The following IL1RAPL1 variants were observed in gnomAD, a reference collection of about 807,000 sequenced individuals.
IL1RAPL1 encodes the protein interleukin 1 receptor accessory protein like 1.
A neutral mutation model predicts 48.4 loss-of-function variants in IL1RAPL1; 3 were observed. That is an observed-to-expected ratio of 0.06 (90% CI 0.03 to 0.16). The LOEUF (loss-of-function observed/expected upper bound fraction) is 0.16, where lower values mean the gene tolerates loss of function less well. Ranked by LOEUF, IL1RAPL1 falls within the 10% of genes least tolerant of loss-of-function variation. The probability of loss-of-function intolerance (pLI) is 1.00; values close to 1 mark genes in which losing one functional copy is unlikely to be tolerated. For missense variants in IL1RAPL1, 349 were observed against 530.6 expected (o/e 0.66, Z 3.36); for synonymous variants, 185 against 187.7 (o/e 0.99, Z 0.12).
intron 2 of IL1RAPL1, among the ~76,000 whole-genome samples, chrX:29,097,609 T>G (rs1254112868): frequency 1.8e-5 from 2 of 111,899 alleles, no homozygotes; most frequent in African/African-American, 3.2e-5. Context: ...GTGTTGCTCC[T>G]TCTAGTAGTT....
At chrX:29,188,320 A>AT (rs918923997) in intron 2 of IL1RAPL1, among the ~76,000 whole-genome samples, 3 of 111,539 alleles carry the variant, frequency 2.7e-5, no homozygotes, top group South Asian at 3.7e-4. Context: ...CACCAATGTG[A>AT]TTTTTTCCCC....
chrX:29,804,994 G>GA (rs1335368158), intron 6 of IL1RAPL1, among the ~76,000 whole-genome samples: 2 of 112,243 alleles, frequency 1.8e-5, no homozygotes. Context: ...TAATCATGAT[G>GA]AAAAAATAAT....
chrX:28,789,243 A>T lies in IL1RAPL1; in HGVS notation c.-24-77A>T, dbSNP rs778561090. 11 of 560,507 alleles carry T rather than the reference A, an allele frequency of 2.0e-5. No individual in the cohort carries two copies. In the East Asian group the frequency reaches 3.6e-4, roughly 18 times the overall value. The allele number at this position is 560,507 out of a possible 1,213,427, so 46.2% of individuals were successfully genotyped here. A position where few individuals can be genotyped will look rare whatever the true frequency, so the allele number is the denominator to read the frequency against. On this transcript the variant is annotated intron_variant, in intron 1 of 10. Coordinates refer to ENST00000378993, the MANE Select transcript of IL1RAPL1 (RefSeq NM_014271.4). ...TCATTGCACCGATCATGTTTGATCA[A>T]AGTTATGAAACTCTAATAATATTGC... is the stretch of plus-strand genomic sequence containing the variant.
At chrX:29,267,937 T>C (rs1931982272) in intron 2 of IL1RAPL1, among the ~76,000 whole-genome samples, 1 of 111,825 alleles carries the variant, frequency 8.9e-6, no homozygotes, top group Non-Finnish European at 1.9e-5. Context: ...CTCAATTTTC[T>C]ACTTCTTTGC....
chrX:29,465,896 C>T (rs1045220257), intron 5 of IL1RAPL1, among the ~76,000 whole-genome samples: 13 of 111,455 alleles, frequency 1.2e-4, no homozygotes, highest in African/African-American at 3.9e-4. Context: ...ATAGGATGCT[C>T]ATACTGGGTT....
intron 2 of IL1RAPL1, among the ~76,000 whole-genome samples, chrX:29,109,561 G>A (rs1268344154): frequency 3.6e-5 from 4 of 110,732 alleles, no homozygotes; most frequent in African/African-American, 6.6e-5. Context: ...ATTTTTGACC[G>A]ATGGGCTTTG....
intron 1 of IL1RAPL1, among the ~76,000 whole-genome samples, chrX:28,783,344 G>A (rs1027504798): frequency 4.5e-5 from 5 of 111,923 alleles, no homozygotes; most frequent in African/African-American, 1.3e-4. Context: ...GCCAAGAAGC[G>A]TATGACTTCA....
chrX:28,613,845 A>G (rs1247557553), intron 1 of IL1RAPL1, among the ~76,000 whole-genome samples: 1 of 112,323 alleles, frequency 8.9e-6, no homozygotes, highest in African/African-American at 3.2e-5. Context: ...GGAACTCACC[A>G]TGGAGACAGA....
At chrX:29,139,822 G>T (rs1312000600) in intron 2 of IL1RAPL1, among the ~76,000 whole-genome samples, 1 of 101,479 alleles carries the variant, frequency 9.9e-6, no homozygotes, top group Non-Finnish European at 2.0e-5. Context: ...ATCCATTCTG[G>T]AATAAGATGT....
At chrX:29,802,987 A>G (rs1340201029) in intron 6 of IL1RAPL1, among the ~76,000 whole-genome samples, 11 of 65,213 alleles carry the variant, frequency 1.7e-4, no homozygotes, top group Non-Finnish European at 2.5e-4. Flanking sequence ...ATACATGTGT[A>G]CATATATATG....
At chrX:29,921,517 A>G (rs1932848122) in intron 8 of IL1RAPL1, among the ~76,000 whole-genome samples, 1 of 112,290 alleles carries the variant, frequency 8.9e-6, no homozygotes, top group South Asian at 3.7e-4. Context: ...GCAGCAGCTA[A>G]CAATATGATT....
chrX:28,774,821 C>T (rs1936345747), intron 1 of IL1RAPL1, among the ~76,000 whole-genome samples: 1 of 111,759 alleles, frequency 8.9e-6, no homozygotes, highest in African/African-American at 3.3e-5. Flanking sequence ...ACTTCCCAAA[C>T]TTTCTATGCC....
Position 29,429,235 on chromosome X carries a change from C to T in IL1RAPL1, c.703+29927C>T, listed in dbSNP as rs147726018. Reference sequence around the variant, plus strand: ...GAGTGATGCCAGTGCTGCTCCCTGTCCCCATACTACAGAGTAAGTAGCAGT... The same window carrying T: ...GAGTGATGCCAGTGCTGCTCCCTGTTCCCATACTACAGAGTAAGTAGCAGT... On this transcript the variant is annotated intron_variant, in intron 5 of 10. Coordinates refer to ENST00000378993, the MANE Select transcript of IL1RAPL1 (RefSeq NM_014271.4). 6.2e-3 allele frequency among the ~76,000 whole-genome samples: 692 copies of T among 111,910 alleles called. 1 individual carries two copies. The highest frequency in any genetic ancestry group is 0.01 in the Non-Finnish European group (545 of 53,148).
At chrX:29,132,077 G>A (rs1423410379) in intron 2 of IL1RAPL1, among the ~76,000 whole-genome samples, 1 of 111,615 alleles carries the variant, frequency 9.0e-6, no homozygotes, top group African/African-American at 3.3e-5. Flanking sequence ...GTGTTTAAGT[G>A]CAGAAATGTT....
intron 2 of IL1RAPL1, among the ~76,000 whole-genome samples, chrX:29,189,217 G>C (rs1353477285): frequency 8.9e-6 from 1 of 111,966 alleles, no homozygotes; most frequent in East Asian, 2.8e-4. Flanking sequence ...CATTTAAAGG[G>C]CATGGATTTT....
At chrX:29,548,524 A>G (rs1324351841) in intron 5 of IL1RAPL1, among the ~76,000 whole-genome samples, 2 of 112,354 alleles carry the variant, frequency 1.8e-5, no homozygotes, top group Non-Finnish European at 3.8e-5. Flanking sequence ...AATATGCCAC[A>G]CTAATATATG....
At chrX:29,742,141 G>T (rs1273478569) in intron 6 of IL1RAPL1, among the ~76,000 whole-genome samples, 1 of 110,366 alleles carries the variant, frequency 9.1e-6, no homozygotes, top group Non-Finnish European at 1.9e-5. Context: ...TTAGGAAACA[G>T]ATAGGAAAGC....
intron 6 of IL1RAPL1, among the ~76,000 whole-genome samples, chrX:29,885,820 A>G (rs927463874): frequency 2.4e-4 from 27 of 111,593 alleles, no homozygotes; most frequent in Non-Finnish European, 4.1e-4. Context: ...CCCTGTCTCA[A>G]AAAAACGCAT....
intron 2 of IL1RAPL1, among the ~76,000 whole-genome samples, chrX:28,925,574 G>A (rs1003981340): frequency 1.8e-5 from 2 of 111,427 alleles, no homozygotes; most frequent in East Asian, 2.8e-4. Flanking sequence ...TTTTGTATAC[G>A]CAACCCTGTA....
Sources: allele counts gnomAD v4.1 joint callset (sites outside exome capture counted in the v4.1 genomes callset), GRCh38; gene constraint gnomAD v4.1.1; transcripts MANE v1.5; gene names NCBI Gene and HGNC (gene_info 2026-07-23, HGNC 2026-07-21).